The following PCDHA5 variants were observed in gnomAD, a reference collection of about 807,000 sequenced individuals.
PCDHA5 encodes protocadherin alpha 5, also known as protocadherin alpha-5.
Under a neutral mutation model 61.6 loss-of-function variants are expected in PCDHA5, and 43 were observed. The observed-to-expected ratio is 0.70, with a 90% confidence interval of 0.55 to 0.90. The LOEUF (loss-of-function observed/expected upper bound fraction) is 0.90, where lower values mean the gene tolerates loss of function less well. Ranked by LOEUF, PCDHA5 falls within the 40% of genes least tolerant of loss-of-function variation. PCDHA5 has a pLI of 0.00. For synonymous variants in PCDHA5, 627 were observed against 543.9 expected, an observed-to-expected ratio of 1.15 and a Z score of -2.13; for missense variants, 1,298 against 1,222.7, an observed-to-expected ratio of 1.06 and a Z score of -0.92.
intron 1 of PCDHA5, among the ~76,000 whole-genome samples, chr5:140,946,879 G>A (rs246051): frequency 0.56 from 84,931 of 150,730 alleles, 24,535 homozygotes; most frequent in African/African-American, 0.69. Flanking sequence ...CAATGGGTAC[G>A]AAGTTACAAT....
At chr5:140,862,498 TG>T in intron 1 of PCDHA5, 1 of 395,232 alleles carries the variant, frequency 2.5e-6, no homozygotes, top group Non-Finnish European at 5.1e-6. Flanking sequence ...TCGCTCGGAA[TG>T]GGGACTCGCT....
At chr5:140,875,233 G>C in intron 1 of PCDHA5, 2 of 863,878 alleles carry the variant, frequency 2.3e-6, no homozygotes, top group Non-Finnish European at 3.3e-6. Context: ...GATCTTTCTT[G>C]TACTTACATA....
At position 140,835,900 on chromosome 5, in the gene PCDHA5, G is replaced by A. The variant is rs1580826433; in HGVS notation, c.2352+11773G>A. The A allele has an allele frequency of 4.3e-6, 7 of 1,612,152 alleles. No individual in the cohort carries two copies. The East Asian group carries it at 1.6e-4, about 36-fold the overall frequency. ...CGGGTGGGCGAGCGCGCGCTGTCGA[G>A]CTACGTGTCAGTGCACGCGGAGAGC... On this transcript the variant is annotated intron_variant, in intron 1 of 3. Coordinates refer to ENST00000529859, the MANE Select transcript of PCDHA5 (RefSeq NM_018908.3).
chr5:140,967,140 C>T (rs781814682), intron 1 of PCDHA5: 4 of 1,611,022 alleles, frequency 2.5e-6, no homozygotes, highest in East Asian at 2.2e-5. Flanking sequence ...GAAGTGCTGG[C>T]GCACAACCCC....
At position 140,883,814 on chromosome 5, in the gene PCDHA5, A is replaced by C. The variant is rs782678422; in HGVS notation, c.2352+59687A>C. 6.2e-7 allele frequency: 1 copy of C among 1,612,478 alleles called. No homozygotes were observed. ...CGTGTCGGTGCACGCGGAGAGCGGC[A>C]AGGTGTACGCGCTGCAGCCGTTGGA... On this transcript the variant is annotated intron_variant, in intron 1 of 3. Coordinates refer to ENST00000529859, the MANE Select transcript of PCDHA5 (RefSeq NM_018908.3).
chr5:140,991,844 C>T (rs892318388), intron 3 of PCDHA5, among the ~76,000 whole-genome samples: 2 of 152,334 alleles, frequency 1.3e-5, no homozygotes, highest in Middle Eastern at 6.8e-3. Flanking sequence ...AACCGCACTT[C>T]CAGATACCAA....
intron 1 of PCDHA5, among the ~76,000 whole-genome samples, chr5:140,897,837 C>A: frequency 6.6e-6 from 1 of 152,116 alleles, no homozygotes; most frequent in African/African-American, 2.4e-5. Context: ...TCTCCACATC[C>A]TCTCCAGCAC....
chr5:140,941,199 C>CT (rs879983584), intron 1 of PCDHA5, among the ~76,000 whole-genome samples: 21,657 of 115,670 alleles, frequency 0.19, 2,171 homozygotes, highest in East Asian at 0.37. Flanking sequence ...TTTTTTCTTT[C>CT]TTCCTTTCTT....
At chr5:141,003,331 TTTTG>T (rs1554259005) in intron 3 of PCDHA5, among the ~76,000 whole-genome samples, 2 of 152,142 alleles carry the variant, frequency 1.3e-5, no homozygotes, top group Non-Finnish European at 2.9e-5. Flanking sequence ...GGGCAGGGTT[TTTTG>T]TTTGTTTGCT....
chr5:140,859,463 A>C (rs1189832254), intron 1 of PCDHA5: 1 of 215,224 alleles, frequency 4.6e-6, no homozygotes, highest in African/African-American at 2.3e-5. Context: ...ACAAAACTAC[A>C]CTATCAATTG....
chr5:140,849,753 G>C (rs1294538786), intron 1 of PCDHA5: 1 of 1,598,398 alleles, frequency 6.3e-7, no homozygotes, highest in Non-Finnish European at 8.6e-7. Flanking sequence ...GAGTGTGTCC[G>C]CCTACGAGCT....
intron 1 of PCDHA5, among the ~76,000 whole-genome samples, chr5:140,871,917 C>T (rs1156778814): frequency 2.0e-5 from 3 of 152,178 alleles, no homozygotes; most frequent in Admixed American, 2.0e-4. Context: ...CTTGATATTT[C>T]CACATTGTTA....
At chr5:140,920,023 C>T (rs1554199365) in intron 1 of PCDHA5, among the ~76,000 whole-genome samples, 1 of 152,096 alleles carries the variant, frequency 6.6e-6, no homozygotes, top group Non-Finnish European at 1.5e-5. Flanking sequence ...AAGATGGAGA[C>T]AGAGATTGGA....
intron 1 of PCDHA5, among the ~76,000 whole-genome samples, chr5:140,879,457 T>A (rs1554170803): frequency 6.6e-6 from 1 of 152,176 alleles, no homozygotes; most frequent in Non-Finnish European, 1.5e-5. Context: ...TTTGAAGTCC[T>A]AAGAGAATAC....
intron 1 of PCDHA5, among the ~76,000 whole-genome samples, chr5:140,890,446 T>C (rs1554184296): frequency 6.6e-6 from 1 of 152,228 alleles, no homozygotes; most frequent in Admixed American, 6.5e-5. Context: ...CCTAGTGATA[T>C]CTTTAGGCAC....
intron 1 of PCDHA5, among the ~76,000 whole-genome samples, chr5:140,887,521 T>C (rs561642770): frequency 1.3e-5 from 2 of 152,346 alleles, no homozygotes; most frequent in Admixed American, 1.3e-4. Flanking sequence ...TTTTTATATA[T>C]GAGTCTTCCT....
chr5:141,011,553 G>T lies in PCDHA5; in HGVS notation c.*1616G>T, dbSNP rs1191049531. The T allele has an allele frequency of 6.5e-6, 1 of 153,640 alleles. No homozygotes were observed. The highest frequency in any genetic ancestry group is 1.5e-5 in the Non-Finnish European group (1 of 68,008). The allele number at this position is 153,640 out of a possible 1,614,324, so 9.5% of individuals were successfully genotyped here. Reference sequence around the variant, plus strand: ...TGTTAATCAGCTTTTGTGTATGAAAGACACAGTAAAATTTCTTTCTTAAAT... The same window carrying T: ...TGTTAATCAGCTTTTGTGTATGAAATACACAGTAAAATTTCTTTCTTAAAT... On this transcript the variant is annotated 3_prime_UTR_variant, in exon 4 of 4. Transcript: ENST00000529859.
chr5:140,915,205 C>G (rs1554196797), intron 1 of PCDHA5, among the ~76,000 whole-genome samples: 1 of 152,076 alleles, frequency 6.6e-6, no homozygotes, highest in Non-Finnish European at 1.5e-5. Flanking sequence ...TCTTGGCCTC[C>G]CAAAGTGCTG....
At chr5:140,963,275 A>G (rs2095752915) in intron 1 of PCDHA5, among the ~76,000 whole-genome samples, 1 of 152,160 alleles carries the variant, frequency 6.6e-6, no homozygotes, top group Non-Finnish European at 1.5e-5. Flanking sequence ...AAATGTATGT[A>G]AGATTTTATA....
Sources: allele counts gnomAD v4.1 joint callset (sites outside exome capture counted in the v4.1 genomes callset), GRCh38; gene constraint gnomAD v4.1.1; transcripts MANE v1.5; gene names NCBI Gene and HGNC (gene_info 2026-07-23, HGNC 2026-07-21).